The following UTRN variants were observed in gnomAD, a reference collection of about 807,000 sequenced individuals.
UTRN encodes the protein dystrophin-related protein 1.
UTRN carries 283 observed loss-of-function variants against 463.9 expected under a neutral mutation model. The observed-to-expected ratio is 0.61, with a 90% CI of 0.55 to 0.67. UTRN has a LOEUF of 0.67. UTRN is among the 30% of genes least tolerant of loss of function. The probability of loss-of-function intolerance (pLI) is 0.00; values close to 1 mark genes in which losing one functional copy is unlikely to be tolerated. For synonymous variants in UTRN, 1,442 were observed against 1,431.5 expected (o/e 1.01, Z -0.17); for missense variants, 3,922 against 4,084.3 (o/e 0.96, Z 1.08).
intron 2 of UTRN, among the ~76,000 whole-genome samples, chr6:144,319,771 C>T (rs565997526): frequency 2.0e-4 from 30 of 152,184 alleles, no homozygotes; most frequent in African/African-American, 7.2e-4. Flanking sequence ...TGGTCTCAAA[C>T]TCCTGAGCTC....
At chr6:144,803,261 ATTTT>A (rs71673559) in intron 65 of UTRN, 114 bp downstream of exon 65, 1 of 619,776 alleles carries the variant, frequency 1.6e-6, no homozygotes, top group Non-Finnish European at 2.3e-6. Flanking sequence ...CACTTTGAAG[ATTTT>A]TTTTTTCTTT....
intron 11 of UTRN, 51 bp downstream of exon 11, chr6:144,437,797 G>C: frequency 6.4e-7 from 1 of 1,556,054 alleles, no homozygotes; most frequent in Non-Finnish European, 8.7e-7. Flanking sequence ...GCTTTGCACA[G>C]TTGAGCTCTA....
chr6:144,703,376 G>T (rs1784777445), intron 53 of UTRN, among the ~76,000 whole-genome samples: 1 of 152,166 alleles, frequency 6.6e-6, no homozygotes, highest in African/African-American at 2.4e-5. Context: ...GATTAGAGAT[G>T]AGTTAGAAGA....
intron 54 of UTRN, among the ~76,000 whole-genome samples, chr6:144,733,978 A>G (rs1207686293): frequency 1.3e-5 from 2 of 152,210 alleles, no homozygotes; most frequent in South Asian, 2.1e-4. Flanking sequence ...GGTACTCAAT[A>G]AAAGTTTGAT....
chr6:144,739,738 A>G (rs987343488), intron 54 of UTRN, among the ~76,000 whole-genome samples: 3 of 152,054 alleles, frequency 2.0e-5, no homozygotes, highest in African/African-American at 4.8e-5. Flanking sequence ...TAGCTTTCCT[A>G]TGACTGTATA....
intron 18 of UTRN, 146 bp downstream of exon 18, chr6:144,451,639 T>C: frequency 9.8e-7 from 1 of 1,021,928 alleles, no homozygotes; most frequent in Non-Finnish European, 1.4e-6. Flanking sequence ...TTGTAGTGAA[T>C]TTTGAATCCA....
chr6:144,656,879 C>A (rs1439417129), intron 51 of UTRN, among the ~76,000 whole-genome samples: 1 of 152,100 alleles, frequency 6.6e-6, no homozygotes, highest in African/African-American at 2.4e-5. Flanking sequence ...TAAAAAAAAT[C>A]TTTCAAATGA....
At chr6:144,458,621 A>G (rs747347478) in intron 19 of UTRN, 149 bp from the exon 20 acceptor site, 5 of 809,874 alleles carry the variant, frequency 6.2e-6, no homozygotes, top group Non-Finnish European at 8.9e-6. Flanking sequence ...CATCATTATA[A>G]ATTTTTGTTG....
At chr6:144,329,444 T>C (rs1030975875) in intron 2 of UTRN, among the ~76,000 whole-genome samples, 2 of 152,182 alleles carry the variant, frequency 1.3e-5, no homozygotes, top group Non-Finnish European at 2.9e-5. Flanking sequence ...GTTACCAAAA[T>C]ACTGAAAAAG....
In UTRN at chr6:144,824,781, G is replaced by T. The variant is rs1377044204; in HGVS notation, c.9495-2567G>T. 7.1e-4 allele frequency among the ~76,000 whole-genome samples: 104 copies of T among 146,216 alleles called. 2 individuals are homozygous for T. The highest frequency in any genetic ancestry group is 2.5e-3 in the African/African-American group (98 of 38,804). ...GTATGTGAAGTTGGTGGTGGGGGGGGGTGTCCCCCCAGCGTTAAGAATGAC... is the reference window on the plus strand; with the variant it reads ...GTATGTGAAGTTGGTGGTGGGGGGGTGTGTCCCCCCAGCGTTAAGAATGAC... On this transcript the variant is annotated intron_variant, in intron 66 of 74. Transcript: ENST00000367545.
At chr6:144,452,546 T>A (rs947915073) in intron 18 of UTRN, among the ~76,000 whole-genome samples, 1 of 152,176 alleles carries the variant, frequency 6.6e-6, no homozygotes, top group African/African-American at 2.4e-5. Context: ...TACATGATTT[T>A]ACTTGCTTCA....
At chr6:144,549,543 C>T (rs915538476) in intron 47 of UTRN, among the ~76,000 whole-genome samples, 3 of 152,162 alleles carry the variant, frequency 2.0e-5, no homozygotes, top group Non-Finnish European at 4.4e-5. Context: ...AATAAGTCCA[C>T]ACCGAGGCAG....
chr6:144,518,492 T>C (rs1233456525), intron 39 of UTRN, among the ~76,000 whole-genome samples: 2 of 152,236 alleles, frequency 1.3e-5, no homozygotes, highest in Non-Finnish European at 2.9e-5. Context: ...AACTTATTAA[T>C]TTTATTCCGA....
chr6:144,768,004 A>G (rs926309315), intron 58 of UTRN, among the ~76,000 whole-genome samples: 8 of 152,204 alleles, frequency 5.3e-5, no homozygotes, highest in African/African-American at 1.9e-4. Flanking sequence ...TTAAGGTTTC[A>G]TGGAAAAATA....
chr6:144,296,773 C>CT (rs1281697987), intron 2 of UTRN, among the ~76,000 whole-genome samples: 1 of 152,180 alleles, frequency 6.6e-6, no homozygotes, highest in African/African-American at 2.4e-5. Context: ...TCTTCTATCT[C>CT]TTTTTTTGTA....
chr6:144,475,998 C>T (rs1033627943), intron 25 of UTRN, among the ~76,000 whole-genome samples: 18 of 151,354 alleles, frequency 1.2e-4, no homozygotes, highest in Non-Finnish European at 2.2e-4. Flanking sequence ...ATGGCTTGAG[C>T]CCAGGGGATG....
rs570010567 is a variant in UTRN at position 144,326,985 on chromosome 6, T to C, written c.79+35078T>C. Among the ~76,000 whole-genome samples the C allele has an allele frequency of 2.4e-4, 37 of 152,312 alleles. 1 individual carries two copies. In the South Asian group the frequency reaches 7.7e-3, roughly 32 times the overall value. On this transcript the variant is annotated intron_variant, in intron 2 of 74. Transcript: ENST00000367545. Reference sequence around the variant, plus strand: ...AGTTCTGACTTTCCTTCAAATCTCATGCCGTTGTTGATGCTCGTCTGGTGG... The same window carrying C: ...AGTTCTGACTTTCCTTCAAATCTCACGCCGTTGTTGATGCTCGTCTGGTGG...
intron 28 of UTRN, 143 bp downstream of exon 28, chr6:144,485,662 G>A (rs1792366890): frequency 8.1e-7 from 1 of 1,230,288 alleles, no homozygotes; most frequent in East Asian, 2.5e-5. Context: ...TTCTTCCATA[G>A]CCTGAAGTGT....
intron 43 of UTRN, 110 bp from the exon 44 acceptor site, chr6:144,537,472 A>C: frequency 1.6e-6 from 1 of 642,962 alleles, no homozygotes; most frequent in South Asian, 7.5e-5. Context: ...TAATTATTAG[A>C]AATTATTTAT....
Sources: gnomAD v4.1 joint callset for allele counts (sites outside exome capture counted in the v4.1 genomes callset) on GRCh38, gnomAD v4.1.1 for gene constraint, MANE v1.5 for transcripts, NCBI Gene and HGNC (gene_info 2026-07-23, HGNC 2026-07-21) for gene names.